Variants in ZFHX3 observed in about 807,000 individuals in gnomAD.
ZFHX3 encodes the protein zinc finger homeobox protein 3.
In ZFHX3, 42 loss-of-function variants were observed where a neutral mutation model predicts 279.1. The observed-to-expected ratio is 0.15, with a 90% CI of 0.12 to 0.19. ZFHX3 has a LOEUF of 0.19. Ranked by LOEUF, ZFHX3 falls within the 10% of genes least tolerant of loss-of-function variation. The probability of loss-of-function intolerance (pLI) is 1.00; values close to 1 mark genes in which losing one functional copy is unlikely to be tolerated. For synonymous variants in ZFHX3, 2,293 were observed against 1,957.8 expected, an observed-to-expected ratio of 1.17 and a Z score of -4.52; for missense variants, 4,981 against 4,754.0, an observed-to-expected ratio of 1.05 and a Z score of -1.40.
At chr16:73,587,528 A>G (rs1220556704) in intron 2 of ZFHX3, among the ~76,000 whole-genome samples, 1 of 152,210 alleles carries the variant, frequency 6.6e-6, no homozygotes, top group Non-Finnish European at 1.5e-5. Context: ...TACCAGACAC[A>G]TTCCCAAATG....
At chr16:73,790,387 T>G (rs576528004) in intron 1 of ZFHX3, among the ~76,000 whole-genome samples, 57 of 152,320 alleles carry the variant, frequency 3.7e-4, no homozygotes, top group African/African-American at 1.3e-3. Context: ...ACATTGCTAC[T>G]GGTTTACAAA....
At chr16:73,416,316 A>G (rs1208792517) in intron 3 of ZFHX3, among the ~76,000 whole-genome samples, 1 of 151,978 alleles carries the variant, frequency 6.6e-6, no homozygotes, top group Non-Finnish European at 1.5e-5. Flanking sequence ...AGAATCCTTT[A>G]TAGGGACCAG....
chr16:73,292,643 C>A (rs565378760), intron 4 of ZFHX3, among the ~76,000 whole-genome samples: 39 of 152,276 alleles, frequency 2.6e-4, no homozygotes, highest in African/African-American at 8.7e-4. Flanking sequence ...TTGCCCAGCT[C>A]TTCCCTTGGT....
intron 3 of ZFHX3, among the ~76,000 whole-genome samples, chr16:73,422,030 T>C (rs2017727951): frequency 6.6e-6 from 1 of 152,150 alleles, no homozygotes; most frequent in Non-Finnish European, 1.5e-5. Flanking sequence ...AAAAGGTACA[T>C]TTCCTCTACC....
intron 2 of ZFHX3, among the ~76,000 whole-genome samples, chr16:73,585,118 C>G (rs916691348): frequency 6.6e-6 from 1 of 152,192 alleles, no homozygotes; most frequent in Non-Finnish European, 1.5e-5. Flanking sequence ...CACTTTTACA[C>G]TCTTGGTAAA....
intron 1 of ZFHX3, among the ~76,000 whole-genome samples, chr16:73,783,498 C>T (rs180916505): frequency 2.0e-5 from 3 of 152,320 alleles, no homozygotes; most frequent in African/African-American, 7.2e-5. Context: ...AGGTGGACAA[C>T]AGTCAAAATT....
At chr16:73,754,103 T>C (rs969322081) in intron 1 of ZFHX3, among the ~76,000 whole-genome samples, 1 of 151,912 alleles carries the variant, frequency 6.6e-6, no homozygotes, top group Non-Finnish European at 1.5e-5. Context: ...CTGGAATTCA[T>C]ACCATGTTGG....
intron 2 of ZFHX3, among the ~76,000 whole-genome samples, chr16:73,532,983 C>T (rs775627087): frequency 1.2e-4 from 18 of 152,222 alleles, no homozygotes; most frequent in Non-Finnish European, 2.5e-4. Context: ...GTGGAACTGT[C>T]AGTCAATTAA....
At chr16:73,619,284 C>T (rs1235469307) in intron 2 of ZFHX3, among the ~76,000 whole-genome samples, 3 of 151,616 alleles carry the variant, frequency 2.0e-5, no homozygotes, top group East Asian at 1.9e-4. Flanking sequence ...GTCAGGAGAT[C>T]GAGACCATCC....
chr16:73,491,577 G>A (rs532974484), intron 2 of ZFHX3, among the ~76,000 whole-genome samples: 6 of 152,316 alleles, frequency 3.9e-5, no homozygotes, highest in Admixed American at 3.3e-4. Flanking sequence ...TTACGTGTGT[G>A]TTTACATGGG....
chr16:73,575,036 C>T (rs183694346), intron 2 of ZFHX3, among the ~76,000 whole-genome samples: 30 of 152,278 alleles, frequency 2.0e-4, no homozygotes, highest in African/African-American at 6.3e-4. Flanking sequence ...GTCCTCATGC[C>T]GTTTTGTGTG....
chr16:72,931,566 TAA>T lies in ZFHX3; in HGVS notation c.3216+18901_3216+18902del, dbSNP rs35230717. ...CAGGGAAGAGGAGGGATGCACCATT[TAA>T]AAAAAAAAAAAAAAAAGTTTCAGCT... On this transcript the variant is annotated intron_variant, in intron 3 of 9. Coordinates refer to ENST00000268489, the MANE Select transcript of ZFHX3 (RefSeq NM_006885.4). 7.2e-3 allele frequency among the ~76,000 whole-genome samples: 947 copies of T among 131,028 alleles called. 9 individuals are homozygous for T. The highest frequency in any genetic ancestry group is 0.014 in the African/African-American group (512 of 35,336). 86.0% of individuals were successfully genotyped at this position (131,028 alleles called of 152,430 possible). A position where few individuals can be genotyped will look rare whatever the true frequency, so the allele number is the denominator to read the frequency against.
At chr16:73,133,592 T>C (rs1381219871) in intron 6 of ZFHX3, among the ~76,000 whole-genome samples, 1 of 152,170 alleles carries the variant, frequency 6.6e-6, no homozygotes, top group Non-Finnish European at 1.5e-5. Context: ...TGGAGGAAGA[T>C]GGCCAGCTAT....
At chr16:72,983,950 C>G (rs1962736011) in intron 1 of ZFHX3, among the ~76,000 whole-genome samples, 7 of 152,212 alleles carry the variant, frequency 4.6e-5, no homozygotes, top group Admixed American at 4.6e-4. Context: ...AGTCCAGAAC[C>G]TTCCATCTTG....
chr16:73,413,372 A>G (rs572094330), intron 3 of ZFHX3, among the ~76,000 whole-genome samples: 1 of 152,220 alleles, frequency 6.6e-6, no homozygotes, highest in South Asian at 2.1e-4. Flanking sequence ...GTGAAGGAGG[A>G]TGAGGCTGGA....
chr16:73,271,743 C>T (rs528582739), intron 4 of ZFHX3, among the ~76,000 whole-genome samples: 1 of 152,282 alleles, frequency 6.6e-6, no homozygotes, highest in Non-Finnish European at 1.5e-5. Context: ...CTGATTGACA[C>T]CTACCCGTCT....
At chr16:72,873,020 C>T (rs1010494816) in intron 4 of ZFHX3, among the ~76,000 whole-genome samples, 1 of 152,194 alleles carries the variant, frequency 6.6e-6, no homozygotes, top group Non-Finnish European at 1.5e-5. Context: ...CAGCCTGACT[C>T]TCTCCTTAGA....
chr16:73,670,493 G>A (rs897731075), intron 2 of ZFHX3, among the ~76,000 whole-genome samples: 1 of 152,126 alleles, frequency 6.6e-6, no homozygotes, highest in Non-Finnish European at 1.5e-5. Context: ...GTCATCAATC[G>A]ACTACTTTAA....
intron 1 of ZFHX3, among the ~76,000 whole-genome samples, chr16:73,759,269 C>A (rs1183842466): frequency 6.6e-6 from 1 of 152,160 alleles, no homozygotes; most frequent in African/African-American, 2.4e-5. Flanking sequence ...TCACATGAGC[C>A]AAAGTGGGTG....
Sources: allele counts gnomAD v4.1 joint callset (sites outside exome capture counted in the v4.1 genomes callset), GRCh38; gene constraint gnomAD v4.1.1; transcripts MANE v1.5; gene names NCBI Gene and HGNC (gene_info 2026-07-23, HGNC 2026-07-21).